The following DIP2C variants were observed in gnomAD, a reference collection of about 807,000 sequenced individuals.
DIP2C encodes the protein DIP2 acetate--CoA ligase C (putative).
Under a neutral mutation model 192.4 loss-of-function variants are expected in DIP2C, and 33 were observed. That is an observed-to-expected ratio of 0.17 (90% CI 0.13 to 0.23). The LOEUF (loss-of-function observed/expected upper bound fraction) is 0.23. Ranked by LOEUF, DIP2C falls within the 10% of genes least tolerant of loss-of-function variation. DIP2C has a pLI of 1.00. For synonymous variants in DIP2C, 979 were observed against 864.1 expected, an observed-to-expected ratio of 1.13 and a Z score of -2.33; for missense variants, 1,537 against 2,110.1, an observed-to-expected ratio of 0.73 and a Z score of 5.32.
chr10:371,471 G>A (rs932258983), intron 17 of DIP2C, among the ~76,000 whole-genome samples: 1 of 152,172 alleles, frequency 6.6e-6, no homozygotes, highest in African/African-American at 2.4e-5. Context: ...GGGTTAGAAT[G>A]GACCCTAAAT....
At chr10:364,647 A>G in intron 19 of DIP2C, 65 bp from the exon 20 acceptor site, 1 of 1,539,360 alleles carries the variant, frequency 6.5e-7, no homozygotes, top group Non-Finnish European at 8.9e-7. Flanking sequence ...CCTCGCCGCT[A>G]CTCCTGGGAG....
chr10:342,843 C>A (rs935111753), intron 28 of DIP2C, among the ~76,000 whole-genome samples: 7 of 152,116 alleles, frequency 4.6e-5, no homozygotes, highest in Non-Finnish European at 8.8e-5. Flanking sequence ...TGTAATAGTC[C>A]CCCTACAGTC....
intron 17 of DIP2C, among the ~76,000 whole-genome samples, chr10:379,129 C>T (rs540353445): frequency 7.3e-4 from 108 of 148,064 alleles, no homozygotes; most frequent in African/African-American, 2.3e-3. Flanking sequence ...GCGGCCCAGG[C>T]GCCAGCCTGC....
chr10:575,192 T>C (rs953543179), intron 1 of DIP2C, among the ~76,000 whole-genome samples: 13 of 152,246 alleles, frequency 8.5e-5, no homozygotes, highest in Admixed American at 7.9e-4. Context: ...TCCATGCTAA[T>C]CTGAAACATG....
chr10:683,305 C>T (rs1486163780), intron 1 of DIP2C, among the ~76,000 whole-genome samples: 1 of 152,248 alleles, frequency 6.6e-6, no homozygotes, highest in African/African-American at 2.4e-5. Flanking sequence ...CGCTGTCTTT[C>T]TACCCACAGC....
intron 17 of DIP2C, among the ~76,000 whole-genome samples, chr10:378,802 TAA>T (rs1050088921): frequency 4.3e-5 from 5 of 115,396 alleles, no homozygotes; most frequent in Middle Eastern, 4.6e-3. Context: ...TGGACATGCA[TAA>T]AGACACAAAT....
chr10:687,547 A>AAC (rs1483468299), intron 1 of DIP2C, among the ~76,000 whole-genome samples: 1 of 152,214 alleles, frequency 6.6e-6, no homozygotes, highest in Non-Finnish European at 1.5e-5. Context: ...CCTGCATGCA[A>AAC]ACACACACAC....
chr10:537,342 T>C (rs1219080213), intron 1 of DIP2C, among the ~76,000 whole-genome samples: 2 of 152,098 alleles, frequency 1.3e-5, no homozygotes, highest in African/African-American at 4.8e-5. Flanking sequence ...GTGCACTCTC[T>C]CCACTGAAAG....
At chr10:277,707 C>T (rs1400438120) in intron 36 of DIP2C, 130 bp from the exon 37 acceptor site, 2 of 1,271,404 alleles carry the variant, frequency 1.6e-6, no homozygotes, top group Non-Finnish European at 2.1e-6. Context: ...CCGGCCTCTC[C>T]ACGTCCTCCG....
At chr10:349,838 C>A (rs913804954) in intron 24 of DIP2C, among the ~76,000 whole-genome samples, 1 of 152,142 alleles carries the variant, frequency 6.6e-6, no homozygotes, top group Non-Finnish European at 1.5e-5. Flanking sequence ...TACACCTGCA[C>A]ATCGGAAGAC....
intron 17 of DIP2C, among the ~76,000 whole-genome samples, chr10:378,972 G>C (rs1332362264): frequency 1.3e-5 from 2 of 152,244 alleles, no homozygotes; most frequent in African/African-American, 2.4e-5. Context: ...TCCGACTCAT[G>C]TTTTTAAAGA....
At chr10:324,366 C>T (rs1957169876) in intron 31 of DIP2C, among the ~76,000 whole-genome samples, 2 of 152,298 alleles carry the variant, frequency 1.3e-5, no homozygotes, top group Admixed American at 6.5e-5. Flanking sequence ...GGCATCTGTG[C>T]CACATCACCT....
At chr10:664,189 A>G (rs1403732449) in intron 1 of DIP2C, 1 of 151,110 alleles carries the variant, frequency 6.6e-6, no homozygotes, top group African/African-American at 2.5e-5. Context: ...CAGTGTTTTC[A>G]ACGTTGCTCA....
intron 4 of DIP2C, among the ~76,000 whole-genome samples, chr10:431,683 A>G (rs879775432): frequency 2.0e-5 from 3 of 152,240 alleles, no homozygotes; most frequent in Non-Finnish European, 2.9e-5. Context: ...CAAACATGCC[A>G]TCTATGAACA....
chr10:595,690 C>T (rs971040564), intron 1 of DIP2C, among the ~76,000 whole-genome samples: 1 of 152,214 alleles, frequency 6.6e-6, no homozygotes, highest in Non-Finnish European at 1.5e-5. Context: ...TCCACGCGTC[C>T]GCAGGACCCG....
At position 390,473 on chromosome 10, in the gene DIP2C, G is replaced by T. The variant is rs554349336; in HGVS notation, c.1385-100C>A. On this transcript the variant is annotated intron_variant, in intron 11 of 36. Transcript: ENST00000280886. ...GGTACCCTTTCAAACACGTCAACTA[G>T]ATCGAATCTCTGGTGTCTCCGGACT... The T allele has an allele frequency of 1.7e-5, 21 of 1,221,384 alleles. 1 individual carries two copies. The South Asian group carries it at 1.8e-4, about 10-fold the overall frequency. The allele number at this position is 1,221,384 out of a possible 1,614,324, so 75.7% of individuals were successfully genotyped here.
intron 32 of DIP2C, among the ~76,000 whole-genome samples, chr10:306,074 GATTTC>G (rs760520153): frequency 2.7e-3 from 406 of 151,972 alleles, no homozygotes; most frequent in Middle Eastern, 0.024. Context: ...AGAGACTTAT[GATTTC>G]ATTTTAAATG....
chr10:286,117 A>G (rs1013524811), intron 34 of DIP2C, among the ~76,000 whole-genome samples, 156 bp downstream of exon 34: 2 of 152,246 alleles, frequency 1.3e-5, no homozygotes, highest in African/African-American at 4.8e-5. Flanking sequence ...TGAGCCATAA[A>G]GCTTACCTCA....
At chr10:570,255 A>T (rs1443816182) in intron 1 of DIP2C, among the ~76,000 whole-genome samples, 4 of 152,088 alleles carry the variant, frequency 2.6e-5, no homozygotes, top group African/African-American at 9.7e-5. Flanking sequence ...TCTCATTTAA[A>T]CTTCACAGTG....
Sources: gnomAD v4.1 joint callset for allele counts (sites outside exome capture counted in the v4.1 genomes callset) on GRCh38, gnomAD v4.1.1 for gene constraint, MANE v1.5 for transcripts, NCBI Gene and HGNC (gene_info 2026-07-23, HGNC 2026-07-21) for gene names.